Variants in WDR27 observed in about 807,000 individuals in gnomAD.
The protein encoded by WDR27 is WD repeat domain 27.
In WDR27, 100 loss-of-function variants were observed where a neutral mutation model predicts 114.4. The ratio of observed to expected loss-of-function variants is 0.87; its 90% CI spans 0.74 to 1.03. The LOEUF is 1.03. WDR27 is among the 50% of genes least tolerant of loss of function. The probability of loss-of-function intolerance (pLI) is 0.00; values close to 1 mark genes in which losing one functional copy is unlikely to be tolerated. For synonymous variants in WDR27, 449 were observed against 423.1 expected (o/e 1.06, Z -0.75); for missense variants, 1,129 against 1,092.9 (o/e 1.03, Z -0.47).
chr6:169,627,169 T>A (rs185764595), intron 21 of WDR27, among the ~76,000 whole-genome samples: 1 of 152,220 alleles, frequency 6.6e-6, no homozygotes, highest in African/African-American at 2.4e-5. Flanking sequence ...TTAGAAACAA[T>A]GTTCATTACA....
At chr6:169,568,655 A>T (rs575101859) in intron 25 of WDR27, among the ~76,000 whole-genome samples, 2 of 152,370 alleles carry the variant, frequency 1.3e-5, no homozygotes, top group South Asian at 4.1e-4. Flanking sequence ...TGGTTGACAA[A>T]CAGGGAAGAC....
intron 25 of WDR27, among the ~76,000 whole-genome samples, chr6:169,493,264 A>C (rs1344151785): frequency 1.3e-5 from 2 of 152,090 alleles, no homozygotes; most frequent in African/African-American, 4.8e-5. Flanking sequence ...CAAAAACATA[A>C]GTAGGGAAGA....
At chr6:169,505,398 C>T (rs1689363914) in intron 25 of WDR27, among the ~76,000 whole-genome samples, 1 of 152,174 alleles carries the variant, frequency 6.6e-6, no homozygotes, top group Non-Finnish European at 1.5e-5. Flanking sequence ...TATCTCTTAT[C>T]ACAGATAGGC....
intron 22 of WDR27, among the ~76,000 whole-genome samples, chr6:169,604,630 G>A (rs1346585423): frequency 6.6e-6 from 1 of 152,004 alleles, no homozygotes; most frequent in African/African-American, 2.4e-5. Context: ...ACCAAAACCA[G>A]ACAAGGACAA....
intron 25 of WDR27, among the ~76,000 whole-genome samples, chr6:169,508,166 A>G (rs879418531): frequency 6.6e-6 from 1 of 152,246 alleles, no homozygotes; most frequent in Non-Finnish European, 1.5e-5. Context: ...CCAGGCTCAC[A>G]TAAAATCGGC....
At chr6:169,625,191 G>C (rs1473004519) in intron 21 of WDR27, among the ~76,000 whole-genome samples, 1 of 152,256 alleles carries the variant, frequency 6.6e-6, no homozygotes, top group African/African-American at 2.4e-5. Flanking sequence ...TCCAACGGTT[G>C]TAACTCAAAC....
intron 25 of WDR27, among the ~76,000 whole-genome samples, chr6:169,507,824 TGGTGAA>T (rs1792203770): frequency 6.6e-6 from 1 of 152,190 alleles, no homozygotes; most frequent in Non-Finnish European, 1.5e-5. Context: ...TCTTGACACA[TGGTGAA>T]GTGGAGTGGC....
intron 2 of WDR27, 128 bp from the exon 3 acceptor site, chr6:169,672,524 G>A: frequency 9.9e-7 from 1 of 1,010,328 alleles, no homozygotes; most frequent in South Asian, 1.9e-5. Flanking sequence ...CATATTCATT[G>A]TTAATTCATT....
chr6:169,442,839 C>T, the WDR27 span, among the ~76,000 whole-genome samples: 1 of 152,222 alleles, frequency 6.6e-6, no homozygotes, highest in African/African-American at 2.4e-5. Flanking sequence ...CCCACACCTC[C>T]TCCTGCTGCC....
chr6:169,679,861 C>T (rs946343352), intron 2 of WDR27, among the ~76,000 whole-genome samples: 1 of 152,124 alleles, frequency 6.6e-6, no homozygotes, highest in East Asian at 1.9e-4. Context: ...GAAAAATACA[C>T]CAAAACATAG....
At chr6:169,429,423 C>T in the WDR27 span, among the ~76,000 whole-genome samples, 3 of 137,542 alleles carry the variant, frequency 2.2e-5, no homozygotes, top group East Asian at 2.0e-4. Context: ...TGCAACAAGA[C>T]TGAGTCCTTT....
At chr6:169,508,493 C>A (rs553216759) in intron 25 of WDR27, among the ~76,000 whole-genome samples, 1 of 152,192 alleles carries the variant, frequency 6.6e-6, no homozygotes, top group South Asian at 2.1e-4. Flanking sequence ...CTCAATGACT[C>A]AACAAATGTT....
rs1795060885 is a variant in WDR27, at chr6:169,527,245, ATAC to A, written c.2645+45171_2645+45173del. On this transcript the variant is annotated intron_variant, in intron 25 of 25. Transcript: ENST00000448612. ...GCCAAAAAGTGGAAACAACTCCAAA[ATAC>A]TACAACAGATAAATGGATAAACTGT... 2.0e-5 allele frequency among the ~76,000 whole-genome samples: 3 copies of A among 152,358 alleles called. No individual in the cohort carries two copies. The South Asian group carries it at 6.2e-4, about 32-fold the overall frequency.
chr6:169,691,307 T>G (rs979268163), intron 1 of WDR27, among the ~76,000 whole-genome samples: 1 of 152,202 alleles, frequency 6.6e-6, no homozygotes, highest in African/African-American at 2.4e-5. Context: ...TAAAAGCATG[T>G]GTACATTATT....
At chr6:169,637,274 GC>G (rs1329546600) in intron 18 of WDR27, among the ~76,000 whole-genome samples, 3 of 152,122 alleles carry the variant, frequency 2.0e-5, no homozygotes, top group Non-Finnish European at 4.4e-5. Context: ...CCACGTAATA[GC>G]CCCTTGGCCA....
intron 4 of WDR27, chr6:169,669,914 T>C (rs1463156686): frequency 1.3e-5 from 2 of 152,126 alleles, no homozygotes; most frequent in Non-Finnish European, 2.9e-5. Flanking sequence ...CCTACGTTTA[T>C]TAAGTGGCTA....
chr6:169,572,647 T>C (rs1461059050), intron 24 of WDR27, 107 bp from the exon 25 acceptor site: 1 of 150,606 alleles, frequency 6.6e-6, no homozygotes, highest in Non-Finnish European at 1.5e-5. Context: ...TAAATTAAAA[T>C]CGGGAGTTAC....
intron 25 of WDR27, among the ~76,000 whole-genome samples, chr6:169,526,569 C>T (rs536567154): frequency 2.9e-4 from 44 of 151,968 alleles, no homozygotes; most frequent in South Asian, 1.0e-3. Flanking sequence ...GCAGAGACTG[C>T]GCCACTGTAC....
At chr6:169,546,659 C>A (rs1042602034) in intron 25 of WDR27, among the ~76,000 whole-genome samples, 1 of 152,134 alleles carries the variant, frequency 6.6e-6, no homozygotes, top group Non-Finnish European at 1.5e-5. Context: ...ACCCTCAAAC[C>A]CATCATGGAA....
Sources: allele counts gnomAD v4.1 joint callset (sites outside exome capture counted in the v4.1 genomes callset), GRCh38; gene constraint gnomAD v4.1.1; transcripts MANE v1.5; gene names NCBI Gene and HGNC (gene_info 2026-07-23, HGNC 2026-07-21).